The following FBXL13 variants were observed in gnomAD, a reference collection of about 807,000 sequenced individuals.
FBXL13 encodes F-box and leucine rich repeat protein 13.
Under a neutral mutation model 83.6 loss-of-function variants are expected in FBXL13, and 67 were observed. That is an observed-to-expected ratio of 0.80 (90% CI 0.66 to 0.98). The LOEUF (loss-of-function observed/expected upper bound fraction) is 0.98. FBXL13 is among the 50% of genes least tolerant of loss of function. The pLI is 0.00. For missense variants in FBXL13, 822 were observed against 866.5 expected (o/e 0.95, Z 0.64); for synonymous variants, 272 against 299.5 (o/e 0.91, Z 0.95).
intron 18 of FBXL13, among the ~76,000 whole-genome samples, chr7:102,824,730 C>T (rs1799326296): frequency 6.6e-6 from 1 of 151,880 alleles, no homozygotes; most frequent in Non-Finnish European, 1.5e-5. Context: ...AAGTGATCCG[C>T]TCACCTTGGC....
intron 11 of FBXL13, among the ~76,000 whole-genome samples, chr7:102,902,061 A>G (rs929470226): frequency 1.3e-5 from 2 of 152,164 alleles, no homozygotes; most frequent in African/African-American, 4.8e-5. Context: ...GCAGTGTACT[A>G]TGGTTCTCTT....
At chr7:103,003,442 C>T (rs1306108581) in intron 6 of FBXL13, among the ~76,000 whole-genome samples, 1 of 149,176 alleles carries the variant, frequency 6.7e-6, no homozygotes, top group Non-Finnish European at 1.5e-5. Context: ...TGCACGCCAC[C>T]ATACTGGCTA....
intron 17 of FBXL13, among the ~76,000 whole-genome samples, chr7:102,850,946 T>G (rs1805111865): frequency 6.6e-6 from 1 of 152,146 alleles, no homozygotes; most frequent in Non-Finnish European, 1.5e-5. Context: ...GCAGACCCAG[T>G]GAGAAACAGC....
intron 16 of FBXL13, among the ~76,000 whole-genome samples, chr7:102,875,186 GC>G (rs1809057921): frequency 6.6e-6 from 1 of 152,184 alleles, no homozygotes. Context: ...AAAATCCTGG[GC>G]CTTTAAGCTT....
At chr7:103,025,674 T>C (rs1793816471) in intron 5 of FBXL13, among the ~76,000 whole-genome samples, 1 of 152,176 alleles carries the variant, frequency 6.6e-6, no homozygotes, top group Non-Finnish European at 1.5e-5. Flanking sequence ...TTGATACACT[T>C]CTGAAAACTG....
At chr7:102,826,724 C>CATATATATATATAT (rs58307950) in intron 18 of FBXL13, among the ~76,000 whole-genome samples, 15 of 62,704 alleles carry the variant, frequency 2.4e-4, no homozygotes, top group South Asian at 8.0e-4. Flanking sequence ...GACCCTGTCT[C>CATATATATATATAT]ATATATATAT....
intron 2 of FBXL13, among the ~76,000 whole-genome samples, chr7:103,037,683 A>G (rs1795206554): frequency 1.3e-5 from 2 of 151,918 alleles, no homozygotes; most frequent in Admixed American, 6.6e-5. Context: ...GCTCACATCT[A>G]GTAGTCCCAG....
In FBXL13 at chr7:103,026,448, G is replaced by A. The variant is rs183674778; in HGVS notation, c.327+1001C>T. Among the ~76,000 whole-genome samples, 33 of 152,268 alleles carry A rather than the reference G, an allele frequency of 2.2e-4. No homozygotes were observed. The East Asian group carries it at 4.8e-3, about 22-fold the overall frequency. ...CACTAGCTTAACATACAGACTGGTG[G>A]AAAGCAGTGAATGAGCAGACTAACA... On this transcript the variant is annotated intron_variant, in intron 5 of 19. Coordinates refer to ENST00000313221, the Ensembl canonical transcript of FBXL13.
At chr7:102,984,413 A>T (rs1387130312) in intron 6 of FBXL13, among the ~76,000 whole-genome samples, 1 of 152,210 alleles carries the variant, frequency 6.6e-6, no homozygotes, top group Admixed American at 6.5e-5. Context: ...AGAGAGAAAG[A>T]TAATTACTTA....
intron 17 of FBXL13, among the ~76,000 whole-genome samples, chr7:102,846,615 C>CAAA (rs763704448): frequency 4.2e-4 from 52 of 122,474 alleles, no homozygotes; most frequent in Non-Finnish European, 5.1e-4. Context: ...GACTCAGTCT[C>CAAA]AAAAAAAAAA....
intron 11 of FBXL13, among the ~76,000 whole-genome samples, chr7:102,887,405 A>G (rs1484332022): frequency 7.0e-6 from 1 of 142,922 alleles, no homozygotes; most frequent in Non-Finnish European, 1.5e-5. Flanking sequence ...CCAAGTATAT[A>G]TACATACATA....
intron 2 of FBXL13, among the ~76,000 whole-genome samples, chr7:103,048,766 A>G (rs1796531051): frequency 6.6e-6 from 1 of 152,206 alleles, no homozygotes; most frequent in Admixed American, 6.5e-5. Context: ...TTTCTTTTAC[A>G]AATTTTTACA....
intron 10 of FBXL13, among the ~76,000 whole-genome samples, chr7:102,918,867 T>C (rs949240209): frequency 9.2e-5 from 14 of 152,240 alleles, no homozygotes; most frequent in African/African-American, 3.4e-4. Context: ...TCTATGTTTA[T>C]GTACATACAT....
At chr7:102,984,389 T>A (rs1828686868) in intron 6 of FBXL13, among the ~76,000 whole-genome samples, 1 of 152,140 alleles carries the variant, frequency 6.6e-6, no homozygotes, top group African/African-American at 2.4e-5. Flanking sequence ...CATCCATCCA[T>A]TAGATATATA....
intron 6 of FBXL13, among the ~76,000 whole-genome samples, chr7:102,984,252 A>G (rs971314541): frequency 6.6e-6 from 1 of 152,224 alleles, no homozygotes; most frequent in South Asian, 2.1e-4. Context: ...ACTCATCCTT[A>G]AAATTCTGTT....
In FBXL13 at chr7:102,926,377, G is replaced by T; in HGVS notation, c.778-3C>A. The stretch of plus-strand genomic sequence containing the variant: ...GAAATGTGTCTCATTGATTCATCCT[G>T]CATGAAAAACAGAGGGAAGAGGCTT... On this transcript the variant is annotated splice_polypyrimidine_tract_variant and splice_region_variant and intron_variant, in intron 9 of 19. Coordinates refer to ENST00000313221, the Ensembl canonical transcript of FBXL13. 6.2e-7 allele frequency: 1 copy of T among 1,610,548 alleles called. No individual in the cohort carries two copies. The highest frequency in any genetic ancestry group is 8.5e-7 in the Non-Finnish European group (1 of 1,178,118).
chr7:103,055,729 G>A, exon 2 of FBXL13: 2 of 1,279,588 alleles, frequency 1.6e-6, no homozygotes, highest in South Asian at 1.3e-5. Context: ...CATGTAACAA[G>A]TATACCACAT....
chr7:102,826,002 T>G (rs926802305), intron 18 of FBXL13, among the ~76,000 whole-genome samples: 1 of 152,230 alleles, frequency 6.6e-6, no homozygotes, highest in Non-Finnish European at 1.5e-5. Flanking sequence ...CAATAAATGG[T>G]AGCTATAATT....
chr7:102,842,806 T>C (rs116084184), intron 17 of FBXL13, among the ~76,000 whole-genome samples: 1,608 of 152,338 alleles, frequency 0.011, 32 homozygotes, highest in African/African-American at 0.036. Flanking sequence ...ATAGCACAGA[T>C]AGTCCAGAGT....
Sources: gnomAD v4.1 joint callset for allele counts (sites outside exome capture counted in the v4.1 genomes callset) on GRCh38, gnomAD v4.1.1 for gene constraint, MANE v1.5 for transcripts, NCBI Gene and HGNC (gene_info 2026-07-23, HGNC 2026-07-21) for gene names.